Variants in CMIP observed in about 807,000 individuals in gnomAD.
CMIP encodes the protein C-Maf-inducing protein.
CMIP carries 13 observed loss-of-function variants against 97.3 expected under a neutral mutation model. The ratio of observed to expected loss-of-function variants is 0.13; its 90% confidence interval spans 0.09 to 0.21. The LOEUF is 0.21. CMIP is among the 10% of genes least tolerant of loss of function. The pLI, the probability that CMIP is intolerant of heterozygous loss-of-function variation, is 1.00. For missense variants in CMIP, 847 were observed against 1,024.9 expected, an observed-to-expected ratio of 0.83 and a Z score of 2.37; for synonymous variants, 538 against 436.3, an observed-to-expected ratio of 1.23 and a Z score of -2.91.
At chr16:81,529,296 T>C (rs1223479520) in intron 1 of CMIP, among the ~76,000 whole-genome samples, 1 of 151,960 alleles carries the variant, frequency 6.6e-6, no homozygotes, top group African/African-American at 2.4e-5. Context: ...TGGGGGCACA[T>C]GGTTTCTCAG....
At chr16:81,696,722 C>A in intron 14 of CMIP, 55 bp downstream of exon 14, 1 of 1,522,250 alleles carries the variant, frequency 6.6e-7, no homozygotes, top group Non-Finnish European at 8.9e-7. Context: ...GCTTGCCATG[C>A]CTGACTAGTA....
chr16:81,610,658 T>G, intron 2 of CMIP: 1 of 402,176 alleles, frequency 2.5e-6, no homozygotes, highest in Non-Finnish European at 3.4e-6. Context: ...ACCCCCACAC[T>G]CTGCCCACCG....
intron 1 of CMIP, among the ~76,000 whole-genome samples, chr16:81,587,182 G>T (rs556477270): frequency 7.0e-4 from 106 of 152,340 alleles, no homozygotes; most frequent in African/African-American, 2.4e-3. Context: ...GAACCTGCAT[G>T]ACTCATTACC....
At chr16:81,451,583 G>C (rs566788333) in intron 1 of CMIP, among the ~76,000 whole-genome samples, 2 of 152,294 alleles carry the variant, frequency 1.3e-5, no homozygotes, top group East Asian at 3.9e-4. Flanking sequence ...TTTTGAAGAG[G>C]GAAGGGCAGT....
chr16:81,671,861 A>T (rs2092686061), intron 8 of CMIP, 105 bp from the exon 9 acceptor site: 1 of 586,908 alleles, frequency 1.7e-6, no homozygotes. Flanking sequence ...GCGCTGGCAG[A>T]GCGGGCAGCC....
At chr16:81,540,360 G>A (rs2090425308) in intron 1 of CMIP, among the ~76,000 whole-genome samples, 1 of 152,110 alleles carries the variant, frequency 6.6e-6, no homozygotes, top group Non-Finnish European at 1.5e-5. Flanking sequence ...TGGAGTACAC[G>A]GGCACAATCA....
At chr16:81,542,290 A>G (rs981670764) in intron 1 of CMIP, among the ~76,000 whole-genome samples, 2 of 152,210 alleles carry the variant, frequency 1.3e-5, no homozygotes, top group Non-Finnish European at 2.9e-5. Context: ...GAGAATTAAA[A>G]TGGGGGCCAA....
intron 7 of CMIP, chr16:81,664,998 A>G (rs937441729): frequency 6.5e-6 from 1 of 152,752 alleles, no homozygotes; most frequent in African/African-American, 2.4e-5. Context: ...CATCAAAAAC[A>G]AGGAGATTCT....
At chr16:81,518,450 G>A (rs1253803660) in intron 1 of CMIP, 1 of 152,336 alleles carries the variant, frequency 6.6e-6, no homozygotes, top group Non-Finnish European at 1.5e-5. Flanking sequence ...GTCTACTGAA[G>A]TCCCTGCAGG....
intron 6 of CMIP, among the ~76,000 whole-genome samples, chr16:81,663,683 A>G (rs1011160761): frequency 6.6e-6 from 1 of 152,180 alleles, no homozygotes; most frequent in Non-Finnish European, 1.5e-5. Flanking sequence ...CAAATATCCC[A>G]CAGGGTATAC....
At chr16:81,644,964 G>A (rs949207999) in intron 3 of CMIP, among the ~76,000 whole-genome samples, 1 of 152,192 alleles carries the variant, frequency 6.6e-6, no homozygotes, top group Non-Finnish European at 1.5e-5. Flanking sequence ...GGGCCCGTGG[G>A]GACGTGATGA....
chr16:81,505,692 G>A (rs567472319), intron 1 of CMIP, among the ~76,000 whole-genome samples: 23 of 152,312 alleles, frequency 1.5e-4, no homozygotes, highest in African/African-American at 5.5e-4. Flanking sequence ...AAGAGTGGCT[G>A]GTTTAAATCA....
At chr16:81,591,317 C>T in intron 1 of CMIP, among the ~76,000 whole-genome samples, 1 of 152,210 alleles carries the variant, frequency 6.6e-6, no homozygotes, top group East Asian at 1.9e-4. Context: ...TGGACACCAG[C>T]TAAGGTGCCA....
chr16:81,652,318 C>T lies in CMIP; in HGVS notation c.593C>T (p.Ser198Phe). 1 of 1,613,918 alleles carries T rather than the reference C, an allele frequency of 6.2e-7. No individual in the cohort carries two copies. The highest frequency in any genetic ancestry group is 8.5e-7 in the Non-Finnish European group (1 of 1,179,838). Residue 198 changes from serine (S) to phenylalanine (F), a missense_variant, in exon 4 of 21, where the codon TCC (serine) becomes TTC (phenylalanine). Ser to Phe is a radical substitution (Grantham distance 155). Around this residue, in one of 4 missense-constraint regions of CMIP, gnomAD observed 285 missense variants for 392.2 expected, o/e 0.73. Coordinates refer to ENST00000537098, the MANE Select transcript of CMIP (RefSeq NM_198390.3). This position sits in a 1 kb window ranked among gnomAD's most constrained non-coding sequence, Gnocchi z 5.2. ...MALTSPLQDD[S>F]INQAPLEIVS... ...CTGACATCCCCCCTGCAGGATGACT[C>T]CATCAACCAGGCCCCACTGGAAATC...
intron 1 of CMIP, among the ~76,000 whole-genome samples, chr16:81,460,354 A>C (rs936024927): frequency 9.4e-5 from 14 of 149,670 alleles, no homozygotes; most frequent in South Asian, 2.2e-4. Flanking sequence ...TCCCTCAGCC[A>C]CTCCTGCAGT....
chr16:81,640,463 G>A (rs551880726), intron 3 of CMIP, among the ~76,000 whole-genome samples: 1 of 152,262 alleles, frequency 6.6e-6, no homozygotes, highest in Admixed American at 6.5e-5. Context: ...GGCGTCCTGG[G>A]GTCAGTCCTT....
At chr16:81,539,591 T>C (rs2090410466) in intron 1 of CMIP, among the ~76,000 whole-genome samples, 1 of 152,214 alleles carries the variant, frequency 6.6e-6, no homozygotes, top group Non-Finnish European at 1.5e-5. Flanking sequence ...TGGCCCTGCC[T>C]CTCCCACTCT....
At chr16:81,481,639 C>G (rs1054772478) in intron 1 of CMIP, among the ~76,000 whole-genome samples, 2 of 152,132 alleles carry the variant, frequency 1.3e-5, no homozygotes, top group African/African-American at 4.8e-5. Flanking sequence ...GACAAATGAC[C>G]ACAGGCTTTG....
At chr16:81,643,426 A>C (rs1253566755) in intron 3 of CMIP, among the ~76,000 whole-genome samples, 1 of 152,234 alleles carries the variant, frequency 6.6e-6, no homozygotes, top group Non-Finnish European at 1.5e-5. Flanking sequence ...GAAGTGATGG[A>C]GAAGTGTTGG....
Sources: allele counts gnomAD v4.1 joint callset (sites outside exome capture counted in the v4.1 genomes callset), GRCh38; gene constraint gnomAD v4.1.1; regional missense constraint gnomAD v4.1.1; non-coding constraint Gnocchi (gnomAD v3.1); transcripts MANE v1.5; gene names NCBI Gene and HGNC (gene_info 2026-07-23, HGNC 2026-07-21).